Variants in PIEZO2 observed in about 807,000 individuals in gnomAD.
PIEZO2 encodes the protein piezo-type mechanosensitive ion channel component 2.
PIEZO2 carries 172 observed loss-of-function variants against 337.3 expected under a neutral mutation model. That is an observed-to-expected ratio of 0.51 (90% CI 0.45 to 0.58). PIEZO2 has a LOEUF of 0.58. Ranked by LOEUF, PIEZO2 falls within the 20% of genes least tolerant of loss-of-function variation. The pLI, the probability that PIEZO2 is intolerant of heterozygous loss-of-function variation, is 0.00. For synonymous variants in PIEZO2, 1,251 were observed against 1,228.5 expected (o/e 1.02, Z -0.38); for missense variants, 3,028 against 3,391.3 (o/e 0.89, Z 2.66).
At position 10,680,260 on chromosome 18, in the gene PIEZO2, T is replaced by C; in HGVS notation, c.7891A>G (p.Ile2631Val). ...CTATTGGGGTCCAGGAGTTCGTGTATCATTTTCTGCTTACTGGGTGGGCTG... is the reference window on the plus strand; with the variant it reads ...CTATTGGGGTCCAGGAGTTCGTGTACCATTTTCTGCTTACTGGGTGGGCTG... The part of the protein sequence containing the change: ...TISPPSKQKM[I>V]HELLDPNSSF... Residue 2631 changes from isoleucine to valine, a missense_variant, in exon 52 of 56, where the codon ATA becomes GTA. Physicochemically the swap from Ile to Val is conservative, Grantham distance 29. This residue lies in a region of PIEZO2 where 332 missense variants were observed against 363.8 expected (regional missense o/e 0.91). Transcript: ENST00000674853. 1 of 1,614,110 alleles carries C rather than the reference T, an allele frequency of 6.2e-7. No homozygotes were observed. Among genetic ancestry groups the C allele is most frequent in the East Asian group, 2.2e-5 (1 of 44,870 alleles).
At position 10,685,986 on chromosome 18, in the gene PIEZO2, C is replaced by T. The variant is rs142120348; in HGVS notation, c.7497+3669G>A. On this transcript the variant is annotated intron_variant, in intron 49 of 55. Transcript: ENST00000674853. Reference sequence around the variant, plus strand: ...GCCTCTGACTCTACAATCTCCAGACCCCCATCAGAACTTCCTGATATTAGA... The same window carrying T: ...GCCTCTGACTCTACAATCTCCAGACTCCCATCAGAACTTCCTGATATTAGA... 2.3e-3 allele frequency among the ~76,000 whole-genome samples: 354 copies of T among 152,316 alleles called. 1 individual carries two copies. The highest frequency in any genetic ancestry group is 8.2e-3 in the African/African-American group (341 of 41,570).
chr18:10,902,803 G>T (rs1331067392), intron 4 of PIEZO2, among the ~76,000 whole-genome samples: 1 of 152,164 alleles, frequency 6.6e-6, no homozygotes, highest in East Asian at 1.9e-4. Flanking sequence ...GGTTTATTTG[G>T]GAAGTCATCC....
intron 3 of PIEZO2, among the ~76,000 whole-genome samples, chr18:10,966,572 G>C (rs899580018): frequency 3.3e-5 from 5 of 152,094 alleles, no homozygotes; most frequent in Admixed American, 6.5e-5. Context: ...TCAATATTGA[G>C]TGCAGATTGA....
At position 10,819,172 on chromosome 18, in the gene PIEZO2, TATA is replaced by T. The variant is rs899907505; in HGVS notation, c.918-11901_918-11899del. Among the ~76,000 whole-genome samples, 5 of 152,188 alleles carry T rather than the reference TATA, an allele frequency of 3.3e-5. No homozygotes were observed. The highest frequency in any genetic ancestry group is 5.9e-5 in the Non-Finnish European group (4 of 68,026). ...ATTGATGAAATTAACAATAAAAAGG[TATA>T]ATGATTTCTACTGGAATAATTACAT... On this transcript the variant is annotated intron_variant, in intron 7 of 55. Transcript: ENST00000674853. The surrounding 1 kb of genome is among the most constrained non-coding windows in gnomAD (Gnocchi z 4.3).
chr18:10,886,345 CACACACACACACACACAT>C (rs2042584899), intron 4 of PIEZO2, among the ~76,000 whole-genome samples: 1 of 8,132 alleles, frequency 1.2e-4, no homozygotes, highest in Non-Finnish European at 1.8e-4. Flanking sequence ...TATATATATA[CACACACACACACACACAT>C]ATATATGTGT....
rs532162265 is a variant in PIEZO2 at position 10,859,420 on chromosome 18, G to A, written c.493-2209C>T. Among the ~76,000 whole-genome samples the A allele has an allele frequency of 5.3e-5, 8 of 152,288 alleles. No homozygotes were observed. The South Asian group carries it at 6.2e-4, about 12-fold the overall frequency. ...CACTCACCTGCAGCTGGCCTGCCAC[G>A]CACGCACTCTGCCCTCCTCCTGTAA... On this transcript the variant is annotated intron_variant, in intron 5 of 55. Coordinates refer to ENST00000674853, the MANE Select transcript of PIEZO2 (RefSeq NM_001378183.1). The surrounding 1 kb of genome is among the most constrained non-coding windows in gnomAD (Gnocchi z 4.9).
chr18:10,805,439 C>T (rs1292398478), intron 8 of PIEZO2, among the ~76,000 whole-genome samples: 1 of 152,064 alleles, frequency 6.6e-6, no homozygotes, highest in East Asian at 1.9e-4. Flanking sequence ...TTGCTTGAAC[C>T]CAGGAGGCAG....
chr18:10,799,365 CCAT>C (rs1380502193), intron 11 of PIEZO2, among the ~76,000 whole-genome samples: 1 of 152,212 alleles, frequency 6.6e-6, no homozygotes. Flanking sequence ...CAATAGAGGT[CCAT>C]CTAACTGCTG....
intron 35 of PIEZO2, among the ~76,000 whole-genome samples, chr18:10,734,260 A>C (rs1240361940): frequency 6.6e-6 from 1 of 152,234 alleles, no homozygotes; most frequent in Non-Finnish European, 1.5e-5. Context: ...AATGGTAAAT[A>C]CTACACTAAA....
chr18:10,879,042 T>C (rs1391141607), intron 4 of PIEZO2, among the ~76,000 whole-genome samples: 3 of 152,310 alleles, frequency 2.0e-5, no homozygotes, highest in Non-Finnish European at 2.9e-5. Context: ...TCTTCTCACA[T>C]GTGTTAGCTA....
intron 3 of PIEZO2, among the ~76,000 whole-genome samples, chr18:10,921,283 C>A (rs1421928683): frequency 6.6e-6 from 1 of 152,106 alleles, no homozygotes; most frequent in Non-Finnish European, 1.5e-5. Flanking sequence ...TGAGGACAGA[C>A]TTCTCTGTTG....
intron 4 of PIEZO2, among the ~76,000 whole-genome samples, chr18:10,891,849 A>T (rs2042766298): frequency 6.6e-6 from 1 of 152,240 alleles, no homozygotes; most frequent in African/African-American, 2.4e-5. Context: ...TTAAGCAAAT[A>T]AAATAAATGA....
rs1276545505 is a variant in PIEZO2, at chr18:10,850,808, T to C, written c.917+4545A>G. Among the ~76,000 whole-genome samples the C allele has an allele frequency of 1.3e-5, 2 of 152,248 alleles. No homozygotes were observed. Among genetic ancestry groups the C allele is most frequent in the African/African-American group, 4.8e-5 (2 of 41,472 alleles). On this transcript the variant is annotated intron_variant, in intron 7 of 55. Transcript: ENST00000674853. This position sits in a 1 kb window ranked among gnomAD's most constrained non-coding sequence, Gnocchi z 4.5. ...GCTAAAAAGCAATAGTATTTATTTC[T>C]GGGAATAAGGATTACATTTTAAAGT...
chr18:10,694,854 A>C (rs959640824), intron 47 of PIEZO2, among the ~76,000 whole-genome samples: 1 of 152,018 alleles, frequency 6.6e-6, no homozygotes, highest in Non-Finnish European at 1.5e-5. Context: ...TAAATAAATA[A>C]ATAAATTTTT....
chr18:10,892,449 G>C (rs2042782618), intron 4 of PIEZO2, among the ~76,000 whole-genome samples: 1 of 152,178 alleles, frequency 6.6e-6, no homozygotes, highest in African/African-American at 2.4e-5. Context: ...AGAAAAATCA[G>C]ATCAGTGGTT....
At chr18:11,050,418 C>T (rs953503286) in intron 2 of PIEZO2, among the ~76,000 whole-genome samples, 4 of 151,978 alleles carry the variant, frequency 2.6e-5, no homozygotes, top group African/African-American at 7.3e-5. Flanking sequence ...GATCGCACTG[C>T]CTCTTCAAAT....
At chr18:10,964,494 G>A (rs367805737) in intron 3 of PIEZO2, among the ~76,000 whole-genome samples, 4 of 152,002 alleles carry the variant, frequency 2.6e-5, no homozygotes, top group East Asian at 3.9e-4. Flanking sequence ...AAAAGCATTC[G>A]GTTATTTAAA....
chr18:10,756,465 T>A (rs1598437268), intron 27 of PIEZO2, among the ~76,000 whole-genome samples: 1 of 131,332 alleles, frequency 7.6e-6, no homozygotes, highest in Admixed American at 7.6e-5. Context: ...AGAAAAGCTA[T>A]GAGGATGAGG....
intron 2 of PIEZO2, among the ~76,000 whole-genome samples, chr18:11,024,468 C>G (rs2145729165): frequency 6.7e-6 from 1 of 148,708 alleles, no homozygotes; most frequent in East Asian, 2.0e-4. Flanking sequence ...ATGGTGTGAA[C>G]CCGGGAGGCG....
Sources: allele counts gnomAD v4.1 joint callset (sites outside exome capture counted in the v4.1 genomes callset), GRCh38; gene constraint gnomAD v4.1.1; regional missense constraint gnomAD v4.1.1; non-coding constraint Gnocchi (gnomAD v3.1); transcripts MANE v1.5; gene names NCBI Gene and HGNC (gene_info 2026-07-23, HGNC 2026-07-21).